The following KIF4A variants were observed in gnomAD, a reference collection of about 807,000 sequenced individuals.
KIF4A encodes the protein chromosome-associated kinesin KIF4A.
Under a neutral mutation model 105.9 loss-of-function variants are expected in KIF4A, and 7 were observed. That is an observed-to-expected ratio of 0.07 (90% CI 0.04 to 0.12). The LOEUF is 0.12. KIF4A is among the 10% of genes least tolerant of loss of function. KIF4A has a pLI of 1.00. For synonymous variants in KIF4A, 281 were observed against 331.3 expected (o/e 0.85, Z 1.65); for missense variants, 558 against 929.2 (o/e 0.60, Z 5.19).
At chrX:70,334,634 G>C (rs1020779619) in intron 10 of KIF4A, among the ~76,000 whole-genome samples, 1 of 112,252 alleles carries the variant, frequency 8.9e-6, no homozygotes, top group African/African-American at 3.2e-5. Flanking sequence ...TAGGCATAGA[G>C]TATCTAAGCA....
At chrX:70,298,825 C>T (rs1293843912) in intron 4 of KIF4A, among the ~76,000 whole-genome samples, 1 of 112,097 alleles carries the variant, frequency 8.9e-6, no homozygotes, top group East Asian at 2.8e-4. Flanking sequence ...ACTGAATTTG[C>T]GTGGTCATGT....
At chrX:70,419,380 C>T (rs1384176489) in intron 29 of KIF4A, among the ~76,000 whole-genome samples, 1 of 112,128 alleles carries the variant, frequency 8.9e-6, no homozygotes, top group Non-Finnish European at 1.9e-5. Flanking sequence ...TTTAGTCAAA[C>T]AAATGACCGA....
At position 70,373,527 on chromosome X, in the gene KIF4A, T is replaced by TAG. The variant is rs1164849279; in HGVS notation, c.1675-623_1675-622insGA. 1.3e-3 allele frequency among the ~76,000 whole-genome samples: 37 copies of TAG among 28,509 alleles called. 11 individuals are homozygous for TAG. The highest frequency in any genetic ancestry group is 1.7e-3 in the Non-Finnish European group (35 of 21,115). The allele number at this position is 28,509 out of a possible 115,157, so 24.8% of individuals were successfully genotyped here. A position where few individuals can be genotyped will look rare whatever the true frequency, so the allele number is the denominator to read the frequency against. On this transcript the variant is annotated intron_variant, in intron 15 of 30. Coordinates refer to ENST00000374403, the MANE Select transcript of KIF4A (RefSeq NM_012310.5). ...ATATATATACATGTGTGTGTATGTA[T>TAG]ATATATATATATATATATATATATA...
chrX:70,417,839 G>A, intron 28 of KIF4A, 49 bp from the exon 29 acceptor site: 1 of 1,021,434 alleles, frequency 9.8e-7, no homozygotes, highest in Non-Finnish European at 1.3e-6. Flanking sequence ...TTTTAAACTA[G>A]TCTTCTAACC....
intron 5 of KIF4A, among the ~76,000 whole-genome samples, chrX:70,299,653 C>T (rs1313291133): frequency 9.0e-6 from 1 of 111,458 alleles, no homozygotes; most frequent in Non-Finnish European, 1.9e-5. Context: ...AGAACATATC[C>T]ATGTATTTTC....
chrX:70,378,437 A>T (rs747823782), intron 18 of KIF4A, among the ~76,000 whole-genome samples: 35 of 112,220 alleles, frequency 3.1e-4, no homozygotes, highest in Non-Finnish European at 6.4e-4. Context: ...AAAAGATTAG[A>T]GTAGAAATAG....
At chrX:70,296,462 A>G (rs1200357419) in intron 3 of KIF4A, among the ~76,000 whole-genome samples, 1 of 112,214 alleles carries the variant, frequency 8.9e-6, no homozygotes, top group Non-Finnish European at 1.9e-5. Context: ...AAATGATGAT[A>G]TTTCTGTAAG....
intron 20 of KIF4A, among the ~76,000 whole-genome samples, chrX:70,387,563 T>C (rs961573744): frequency 4.5e-5 from 5 of 111,865 alleles, no homozygotes; most frequent in African/African-American, 1.6e-4. Context: ...TTATAAATTG[T>C]ACATATTTAA....
chrX:70,349,847 G>A (rs1479583093), intron 13 of KIF4A, among the ~76,000 whole-genome samples: 2 of 82,508 alleles, frequency 2.4e-5, no homozygotes, highest in Admixed American at 2.7e-4. Context: ...CTTCCCAGAC[G>A]GGGTGGCAGC....
Position 70,302,322 on chromosome X carries a change from C to T in KIF4A, c.702C>T (p.Ser234=). ...ATCACAGGAATAGCAGCTTTCGCTC[C>T]AAGCTGCATCTTGTAGACCTCGCTG... is the stretch of plus-strand genomic sequence containing the variant. The part of the protein sequence containing the change: ...KKSDKNSSFR[S]KLHLVDLAGS... The change falls in exon 7 of 31, where the codon TCC becomes TCT. Residue 234 remains serine, a synonymous_variant. Coordinates refer to ENST00000374403, the MANE Select transcript of KIF4A (RefSeq NM_012310.5). The T allele has an allele frequency of 4.1e-6, 5 of 1,211,471 alleles. No individual in the cohort carries two copies. Among genetic ancestry groups the T allele is most frequent in the Non-Finnish European group, 5.6e-6 (5 of 895,235 alleles).
At chrX:70,388,121 T>C (rs1218588053) in intron 20 of KIF4A, among the ~76,000 whole-genome samples, 1 of 111,795 alleles carries the variant, frequency 8.9e-6, no homozygotes, top group Admixed American at 9.5e-5. Flanking sequence ...TCTGTCACTA[T>C]GGATTTGTTT....
At chrX:70,413,360 G>A (rs747407518) in intron 28 of KIF4A, among the ~76,000 whole-genome samples, 6 of 112,224 alleles carry the variant, frequency 5.3e-5, no homozygotes, top group African/African-American at 1.3e-4. Context: ...GGGGCCAGGC[G>A]CAGTGGCTCA....
At position 70,358,767 on chromosome X, in the gene KIF4A, A is replaced by G. The variant is rs771204301; in HGVS notation, c.1674+4960A>G. Among the ~76,000 whole-genome samples, 7 of 112,505 alleles carry G rather than the reference A, an allele frequency of 6.2e-5. No individual in the cohort carries two copies. The East Asian group carries it at 1.7e-3, about 27-fold the overall frequency. On this transcript the variant is annotated intron_variant, in intron 15 of 30. Transcript: ENST00000374403. ...GCACTAAAAGCCAATAGCAAGTTGTATGTGCATGGATTTCTCTTAGGCTAG... is the reference window on the plus strand; with the variant it reads ...GCACTAAAAGCCAATAGCAAGTTGTGTGTGCATGGATTTCTCTTAGGCTAG...
intron 7 of KIF4A, among the ~76,000 whole-genome samples, chrX:70,325,914 G>T (rs972885313): frequency 4.5e-5 from 5 of 111,534 alleles, no homozygotes; most frequent in Non-Finnish European, 9.4e-5. Context: ...TATTTTCCCT[G>T]TTTTATGGAT....
chrX:70,389,573 A>T (rs2086230675), intron 20 of KIF4A, among the ~76,000 whole-genome samples: 1 of 112,723 alleles, frequency 8.9e-6, no homozygotes, highest in African/African-American at 3.2e-5. Flanking sequence ...TCTCAAAAAA[A>T]TATATATATT....
intron 22 of KIF4A, among the ~76,000 whole-genome samples, chrX:70,399,091 T>C (rs1004395844): frequency 8.9e-6 from 1 of 112,061 alleles, no homozygotes; most frequent in Non-Finnish European, 1.9e-5. Flanking sequence ...ATCTGGACCC[T>C]GGAGTTCATG....
At chrX:70,358,221 G>A (rs1055719364) in intron 15 of KIF4A, among the ~76,000 whole-genome samples, 7 of 111,252 alleles carry the variant, frequency 6.3e-5, no homozygotes, top group Admixed American at 9.6e-5. Context: ...TTCTTTTCTC[G>A]TTTATTGTGC....
intron 7 of KIF4A, among the ~76,000 whole-genome samples, chrX:70,317,571 G>T (rs1340254730): frequency 5.1e-4 from 49 of 95,724 alleles, no homozygotes; most frequent in Non-Finnish European, 9.0e-4. Context: ...TTTGAGACAG[G>T]GTCTCGCTCT....
intron 15 of KIF4A, 97 bp downstream of exon 15, chrX:70,353,904 A>G: frequency 1.4e-6 from 1 of 710,442 alleles, no homozygotes. Flanking sequence ...TGATGAAAAG[A>G]CAACAAAATG....
Sources: gnomAD v4.1 joint callset for allele counts (sites outside exome capture counted in the v4.1 genomes callset) on GRCh38, gnomAD v4.1.1 for gene constraint, MANE v1.5 for transcripts, NCBI Gene and HGNC (gene_info 2026-07-23, HGNC 2026-07-21) for gene names.